KLRD1: variants seen among roughly 807,000 people sequenced by gnomAD.
KLRD1 encodes natural killer cells antigen CD94.
KLRD1 carries 21 observed loss-of-function variants against 22.6 expected under a neutral mutation model. The ratio of observed to expected loss-of-function variants is 0.93; its 90% CI spans 0.66 to 1.34. The LOEUF (loss-of-function observed/expected upper bound fraction) is 1.34, where lower values mean the gene tolerates loss of function less well. KLRD1 is among the 40% of genes most tolerant of loss of function. KLRD1 has a pLI of 0.00. For missense variants in KLRD1, 183 were observed against 208.6 expected (o/e 0.88, Z 0.76); for synonymous variants, 59 against 71.1 (o/e 0.83, Z 0.85).
chr12:10,298,913 A>G (rs961153878), intron 1 of KLRD1, among the ~76,000 whole-genome samples: 4 of 152,084 alleles, frequency 2.6e-5, no homozygotes, highest in African/African-American at 9.7e-5. Context: ...TCCACAGGCC[A>G]TATTTCTGTG....
rs528819439 is a variant in KLRD1, at chr12:10,315,609, A to G, written c.*816A>G. 6.5e-6 allele frequency: 1 copy of G among 152,738 alleles called. No individual in the cohort carries two copies. Among genetic ancestry groups the G allele is most frequent in the Admixed American group, 6.5e-5 (1 of 15,326 alleles). The allele number at this position is 152,738 out of a possible 1,614,324, so 9.5% of individuals were successfully genotyped here. A position where few individuals can be genotyped will look rare whatever the true frequency, so the allele number is the denominator to read the frequency against. On this transcript the variant is annotated 3_prime_UTR_variant, in exon 6 of 6. Transcript: ENST00000336164. ...TGTCCATGTGACTACAAAATAATAT[A>G]TTTTTTAATTAAAAAATTTAAAATA...
At chr12:10,257,145 T>C (rs1000622483) in intron 1 of KLRD1, among the ~76,000 whole-genome samples, 114 of 149,998 alleles carry the variant, frequency 7.6e-4, no homozygotes, top group African/African-American at 2.6e-3. Flanking sequence ...TTTTCTTTTT[T>C]TTTTTTTTTT....
At chr12:10,313,631 A>T in intron 5 of KLRD1, 118 bp downstream of exon 5, 1 of 515,058 alleles carries the variant, frequency 1.9e-6, no homozygotes, top group Non-Finnish European at 3.5e-6. Context: ...GGGCATGAGA[A>T]TACAGTAAAA....
intron 1 of KLRD1, among the ~76,000 whole-genome samples, chr12:10,273,772 A>G (rs1298486647): frequency 6.6e-6 from 1 of 152,226 alleles, no homozygotes; most frequent in African/African-American, 2.4e-5. Context: ...ATAATTTCAA[A>G]AATTACAGAA....
chr12:10,270,324 TA>T (rs1183537976), intron 1 of KLRD1, among the ~76,000 whole-genome samples: 2 of 152,160 alleles, frequency 1.3e-5, no homozygotes, highest in Non-Finnish European at 2.9e-5. Flanking sequence ...TTTTAGTAAT[TA>T]AAAAATTAAT....
chr12:10,260,965 C>CAA (rs754538135), intron 1 of KLRD1, among the ~76,000 whole-genome samples: 1 of 46,724 alleles, frequency 2.1e-5, no homozygotes, highest in African/African-American at 4.2e-5. Flanking sequence ...AACAAAAAAC[C>CAA]AAAAAAAAAA....
rs1344558960 is a variant in KLRD1, at chr12:10,325,566, G to A, written c.*10773G>A. Reference sequence around the variant, plus strand: ...CCTGGCAACCACCATTCTATTCTCTGATTTTATAAGCTTGACCACTTTAGA... The same window carrying A: ...CCTGGCAACCACCATTCTATTCTCTAATTTTATAAGCTTGACCACTTTAGA... On this transcript the variant is annotated 3_prime_UTR_variant, in exon 6 of 6. Transcript: ENST00000336164. 1.3e-5 allele frequency: 2 copies of A among 152,082 alleles called. No individual in the cohort carries two copies. The highest frequency in any genetic ancestry group is 1.5e-5 in the Non-Finnish European group (1 of 68,008). 9.4% of individuals were successfully genotyped at this position (152,082 alleles called of 1,614,324 possible).
chr12:10,257,198 A>G (rs1427298351), intron 1 of KLRD1, among the ~76,000 whole-genome samples: 1 of 84,750 alleles, frequency 1.2e-5, no homozygotes, highest in Non-Finnish European at 2.4e-5. Flanking sequence ...CAGTTTGATT[A>G]TATCTTATTG....
intron 1 of KLRD1, among the ~76,000 whole-genome samples, chr12:10,248,254 G>A (rs1414316624): frequency 6.6e-6 from 1 of 151,826 alleles, no homozygotes; most frequent in Non-Finnish European, 1.5e-5. Flanking sequence ...AAATCTATGA[G>A]ACTTTTACAG....
Position 10,320,258 on chromosome 12 carries a change from AT to A in KLRD1, c.*5466del, listed in dbSNP as rs1950299697. On this transcript the variant is annotated 3_prime_UTR_variant, in exon 6 of 6. Transcript: ENST00000336164. ...TGGTACCAAGAATGAAGTTACTATT[AT>A]AAAGAAAAAAAAAAACCACTAAAAT... The A allele has an allele frequency of 5.3e-5, 2 of 37,586 alleles. No individual in the cohort carries two copies. Among genetic ancestry groups the A allele is most frequent in the Non-Finnish European group, 2.4e-4 (2 of 8,274 alleles). 2.3% of individuals were successfully genotyped at this position (37,586 alleles called of 1,614,324 possible). A position where few individuals can be genotyped will look rare whatever the true frequency, so the allele number is the denominator to read the frequency against.
intron 1 of KLRD1, among the ~76,000 whole-genome samples, chr12:10,272,269 ACACCAAAAGTCAATGACATT>A (rs1231551956): frequency 6.6e-6 from 1 of 152,182 alleles, no homozygotes; most frequent in Non-Finnish European, 1.5e-5. Context: ...GAACTCATAG[ACACCAAAAGTCAATGACATT>A]CACCAAAAGT....
chr12:10,247,705 AT>A (rs1472113657), intron 1 of KLRD1, among the ~76,000 whole-genome samples: 1 of 152,144 alleles, frequency 6.6e-6, no homozygotes, highest in African/African-American at 2.4e-5. Flanking sequence ...AGGTAATTAA[AT>A]CATGGGAGCA....
upstream of KLRD1, among the ~76,000 whole-genome samples, chr12:10,303,591 A>C (rs1438816572): frequency 6.6e-6 from 1 of 152,218 alleles, no homozygotes; most frequent in Non-Finnish European, 1.5e-5. Context: ...GCAGCTTTTC[A>C]CATGACCTAC....
chr12:10,258,955 G>T (rs1949423963), intron 1 of KLRD1, among the ~76,000 whole-genome samples: 1 of 152,216 alleles, frequency 6.6e-6, no homozygotes, highest in Non-Finnish European at 1.5e-5. Context: ...TAGATCATTT[G>T]TAGCAAAAGG....
chr12:10,321,298 T>G lies in KLRD1; in HGVS notation c.*6505T>G, dbSNP rs1156578870. ...ATTGTTAATTTCACAAGCCTTCACA[T>G]GGAGAAAAATGATACTCAAGAAGCT... On this transcript the variant is annotated 3_prime_UTR_variant, in exon 6 of 6. Transcript: ENST00000336164. 1 of 152,160 alleles carries G rather than the reference T, an allele frequency of 6.6e-6. No individual in the cohort carries two copies. Among genetic ancestry groups the G allele is most frequent in the East Asian group, 1.9e-4 (1 of 5,178 alleles). 9.4% of individuals were successfully genotyped at this position (152,160 alleles called of 1,614,324 possible).
At position 10,316,825 on chromosome 12, in the gene KLRD1, T is replaced by C. The variant is rs537789406; in HGVS notation, c.*2032T>C. The C allele has an allele frequency of 3.9e-5, 6 of 152,216 alleles. No homozygotes were observed. Among genetic ancestry groups the C allele is most frequent in the Non-Finnish European group, 8.8e-5 (6 of 68,050 alleles). The allele number at this position is 152,216 out of a possible 1,614,324, so 9.4% of individuals were successfully genotyped here. A position where few individuals can be genotyped will look rare whatever the true frequency, so the allele number is the denominator to read the frequency against. On this transcript the variant is annotated 3_prime_UTR_variant, in exon 6 of 6. Transcript: ENST00000336164. ...TACATGTGCAGAACCTGCAGGTTTG[T>C]TACATAGGTATACATGTTCCAAGGT...
chr12:10,270,517 T>G (rs7975352), intron 1 of KLRD1, among the ~76,000 whole-genome samples: 86,773 of 151,892 alleles, frequency 0.57, 27,387 homozygotes, highest in Admixed American at 0.74. Flanking sequence ...GAAAAGAACT[T>G]TCACCAAGAA....
At chr12:10,294,166 A>G (rs1051848038) in intron 1 of KLRD1, among the ~76,000 whole-genome samples, 15 of 152,226 alleles carry the variant, frequency 9.9e-5, no homozygotes, top group African/African-American at 2.2e-4. Context: ...ATTTCTCTAT[A>G]CAACGCACCC....
At chr12:10,243,163 T>C (rs1002012551) in intron 1 of KLRD1, among the ~76,000 whole-genome samples, 6 of 152,124 alleles carry the variant, frequency 3.9e-5, no homozygotes, top group African/African-American at 1.4e-4. Context: ...AATTCCAGTT[T>C]AGGCAATGGG....
Sources: allele counts gnomAD v4.1 joint callset (sites outside exome capture counted in the v4.1 genomes callset), GRCh38; gene constraint gnomAD v4.1.1; transcripts MANE v1.5; gene names NCBI Gene and HGNC (gene_info 2026-07-23, HGNC 2026-07-21).